The following GLIS3 variants were observed in gnomAD, a reference collection of about 807,000 sequenced individuals.
GLIS3 encodes zinc finger protein GLIS3.
A neutral mutation model predicts 78.6 loss-of-function variants in GLIS3; 53 were observed. The ratio of observed to expected loss-of-function variants is 0.67; its 90% confidence interval spans 0.54 to 0.85. The LOEUF (loss-of-function observed/expected upper bound fraction) is 0.85. GLIS3 is among the 40% of genes least tolerant of loss of function. GLIS3 has a pLI of 0.00. For synonymous variants in GLIS3, 684 were observed against 509.9 expected, an observed-to-expected ratio of 1.34 and a Z score of -4.60; for missense variants, 1,703 against 1,231.1, an observed-to-expected ratio of 1.38 and a Z score of -5.74.
At chr9:4,146,505 A>G (rs896489663) in intron 2 of GLIS3, among the ~76,000 whole-genome samples, 1 of 152,226 alleles carries the variant, frequency 6.6e-6, no homozygotes, top group Non-Finnish European at 1.5e-5. Flanking sequence ...GTTAATGACT[A>G]AACTGTCCTC....
At chr9:3,863,314 A>G (rs1286440264) in intron 8 of GLIS3, among the ~76,000 whole-genome samples, 1 of 152,240 alleles carries the variant, frequency 6.6e-6, no homozygotes, top group Non-Finnish European at 1.5e-5. Context: ...CAAATGAATC[A>G]CAGCACGTTA....
chr9:3,956,028 C>CAAAAAAAAAAAAAAAAAAAAAAAAAA (rs5896037), intron 4 of GLIS3, among the ~76,000 whole-genome samples: 2 of 87,628 alleles, frequency 2.3e-5, no homozygotes, highest in Non-Finnish European at 4.6e-5. Context: ...CCAGATTCAG[C>CAAAAAAAAAAAAAAAAAAAAAAAAAA]AAAAAAAAAA....
chr9:4,304,337 T>C (rs569372352), upstream of GLIS3, among the ~76,000 whole-genome samples: 53 of 152,338 alleles, frequency 3.5e-4, no homozygotes, highest in Admixed American at 1.4e-3. Context: ...TGATATGAAG[T>C]AGCTTTCTGT....
At chr9:4,332,666 C>A (rs1170946647) in intron 2 of GLIS3, among the ~76,000 whole-genome samples, 1 of 152,166 alleles carries the variant, frequency 6.6e-6, no homozygotes, top group African/African-American at 2.4e-5. Flanking sequence ...TACCTCTGGA[C>A]TATTAGATGA....
chr9:4,414,948 G>A, the GLIS3 span, among the ~76,000 whole-genome samples: 1 of 151,842 alleles, frequency 6.6e-6, no homozygotes, highest in Admixed American at 6.6e-5. Context: ...CTGCTCCTTA[G>A]CTTAAATCCC....
intron 4 of GLIS3, among the ~76,000 whole-genome samples, chr9:3,953,445 G>C (rs1381534492): frequency 6.6e-6 from 1 of 152,116 alleles, no homozygotes; most frequent in East Asian, 1.9e-4. Context: ...TGGGCTGATG[G>C]ATATTGATAT....
At chr9:4,087,000 T>C (rs1829088580) in intron 4 of GLIS3, among the ~76,000 whole-genome samples, 1 of 152,300 alleles carries the variant, frequency 6.6e-6, no homozygotes, top group Non-Finnish European at 1.5e-5. Flanking sequence ...AATCCTAGTT[T>C]AGTGCTATGT....
At chr9:4,152,676 A>C (rs1834769903) in intron 2 of GLIS3, among the ~76,000 whole-genome samples, 1 of 152,252 alleles carries the variant, frequency 6.6e-6, no homozygotes. Flanking sequence ...AATTCAACAG[A>C]ATCCACTAAA....
At chr9:3,926,008 C>T (rs1825197066) in intron 6 of GLIS3, among the ~76,000 whole-genome samples, 2 of 152,138 alleles carry the variant, frequency 1.3e-5, no homozygotes, top group Admixed American at 6.6e-5. Context: ...CCATCTGGGT[C>T]ATTTTCTTAG....
At chr9:3,843,955 C>G (rs1198487708) in intron 9 of GLIS3, among the ~76,000 whole-genome samples, 2 of 152,102 alleles carry the variant, frequency 1.3e-5, no homozygotes, top group Non-Finnish European at 2.9e-5. Context: ...CTTGTAAGGC[C>G]TAGTTCTCAA....
rs114728110 is a variant in GLIS3 at position 4,026,015 on chromosome 9, A to G, written c.1711-88826T>C. 3.5e-3 allele frequency among the ~76,000 whole-genome samples: 532 copies of G among 152,336 alleles called. 4 individuals are homozygous for G. Among genetic ancestry groups the G allele is most frequent in the African/African-American group, 0.012 (518 of 41,580 alleles). ...AGTAGAAGTCATGATAGGGAAGAAC[A>G]AATTTGCTAACATAATCTATGCTTT... On this transcript the variant is annotated intron_variant, in intron 4 of 10. Transcript: ENST00000381971.
intron 2 of GLIS3, chr9:4,147,653 G>A (rs1158873825): frequency 7.3e-6 from 1 of 137,866 alleles, no homozygotes; most frequent in Non-Finnish European, 1.6e-5. Context: ...TGCAGAGTAA[G>A]AAACAATGAC....
chr9:4,149,298 A>AG (rs1348699739), intron 2 of GLIS3, among the ~76,000 whole-genome samples: 12 of 152,188 alleles, frequency 7.9e-5, no homozygotes, highest in African/African-American at 2.9e-4. Context: ...CCCATTTCAC[A>AG]GGGGAGGAAA....
At chr9:4,179,984 T>C (rs1300612382) in intron 2 of GLIS3, among the ~76,000 whole-genome samples, 1 of 152,122 alleles carries the variant, frequency 6.6e-6, no homozygotes, top group Non-Finnish European at 1.5e-5. Context: ...TCAAACTTGA[T>C]ATTTCTCCAT....
At chr9:3,889,988 T>A (rs142849465) in intron 7 of GLIS3, among the ~76,000 whole-genome samples, 553 of 152,232 alleles carry the variant, frequency 3.6e-3, no homozygotes, top group Non-Finnish European at 6.3e-3. Flanking sequence ...TAAGCAACAG[T>A]CAAGAACAGT....
chr9:4,214,407 A>C (rs1820641972), intron 2 of GLIS3, among the ~76,000 whole-genome samples: 1 of 152,204 alleles, frequency 6.6e-6, no homozygotes, highest in South Asian at 2.1e-4. Context: ...ATCAGCAGCC[A>C]ATCAATATCT....
intron 2 of GLIS3, among the ~76,000 whole-genome samples, chr9:4,212,575 G>A (rs535621440): frequency 6.6e-6 from 1 of 152,290 alleles, no homozygotes; most frequent in South Asian, 2.1e-4. Flanking sequence ...GCACACAGGT[G>A]GCGCCTCTCA....
At chr9:4,201,377 A>G (rs1490613486) in intron 2 of GLIS3, among the ~76,000 whole-genome samples, 1 of 152,174 alleles carries the variant, frequency 6.6e-6, no homozygotes, top group African/African-American at 2.4e-5. Context: ...CAAATAGAAA[A>G]AGAAGAAGTC....
At chr9:3,844,107 T>C (rs1216195552) in intron 9 of GLIS3, among the ~76,000 whole-genome samples, 1 of 152,176 alleles carries the variant, frequency 6.6e-6, no homozygotes, top group Non-Finnish European at 1.5e-5. Context: ...TTTTGTAACA[T>C]GTTGCTGAGC....
Sources: gnomAD v4.1 joint callset for allele counts (sites outside exome capture counted in the v4.1 genomes callset) on GRCh38, gnomAD v4.1.1 for gene constraint, MANE v1.5 for transcripts, NCBI Gene and HGNC (gene_info 2026-07-23, HGNC 2026-07-21) for gene names.